ADRA1B: variants seen among roughly 807,000 people sequenced by gnomAD.
ADRA1B encodes the protein adrenoceptor alpha 1B.
ADRA1B carries 17 observed loss-of-function variants against 17.9 expected under a neutral mutation model. The observed-to-expected ratio is 0.95, with a 90% CI of 0.65 to 1.42. ADRA1B has a LOEUF of 1.42. Ranked by LOEUF, ADRA1B falls within the 40% of genes most tolerant of loss-of-function variation. ADRA1B has a pLI of 0.00. For missense variants in ADRA1B, 681 were observed against 722.1 expected, an observed-to-expected ratio of 0.94 and a Z score of 0.65; for synonymous variants, 366 against 327.6, an observed-to-expected ratio of 1.12 and a Z score of -1.27.
At chr5:159,886,013 C>A (rs906895643) in intron 1 of ADRA1B, among the ~76,000 whole-genome samples, 3 of 152,206 alleles carry the variant, frequency 2.0e-5, no homozygotes, top group African/African-American at 7.2e-5. Flanking sequence ...ACTCCAGGGT[C>A]TGCGCATTTA....
chr5:159,880,939 C>A (rs1166328197), intron 1 of ADRA1B, among the ~76,000 whole-genome samples: 1 of 152,188 alleles, frequency 6.6e-6, no homozygotes, highest in African/African-American at 2.4e-5. Context: ...GATACATGAG[C>A]TCTTTCAGGG....
At chr5:159,959,373 G>T (rs1214072565) in intron 1 of ADRA1B, among the ~76,000 whole-genome samples, 1 of 152,236 alleles carries the variant, frequency 6.6e-6, no homozygotes, top group East Asian at 1.9e-4. Context: ...CACATGAAAA[G>T]GACGTTATGT....
chr5:159,873,022 G>A (rs958467483), intron 1 of ADRA1B, among the ~76,000 whole-genome samples: 3 of 151,394 alleles, frequency 2.0e-5, no homozygotes, highest in East Asian at 2.0e-4. Flanking sequence ...GAGAATATGC[G>A]GTGTTTGGTT....
At chr5:159,980,379 C>T in the ADRA1B span, among the ~76,000 whole-genome samples, 1 of 152,058 alleles carries the variant, frequency 6.6e-6, no homozygotes, top group Non-Finnish European at 1.5e-5. Context: ...AGGGAGAGCC[C>T]GAACAAGACT....
intron 1 of ADRA1B, among the ~76,000 whole-genome samples, chr5:159,880,593 A>G (rs1464494780): frequency 6.6e-6 from 1 of 152,216 alleles, no homozygotes; most frequent in Non-Finnish European, 1.5e-5. Context: ...GCCCCGTGGT[A>G]GGAGAAACTC....
the ADRA1B span, among the ~76,000 whole-genome samples, chr5:159,985,028 C>T: frequency 1.3e-5 from 2 of 152,116 alleles, no homozygotes; most frequent in Non-Finnish European, 2.9e-5. Flanking sequence ...TGCTCTCCCA[C>T]CTCCTCTTCC....
intron 1 of ADRA1B, chr5:159,950,912 C>T (rs770825970): frequency 5.3e-6 from 3 of 568,020 alleles, no homozygotes; most frequent in Non-Finnish European, 6.7e-6. Context: ...GCAGCCGTCG[C>T]ACCACAGTTT....
chr5:159,903,113 C>T (rs923137873), intron 1 of ADRA1B, among the ~76,000 whole-genome samples: 14 of 152,250 alleles, frequency 9.2e-5, no homozygotes, highest in Non-Finnish European at 1.5e-4. Context: ...CTCAACAGCC[C>T]GGCAGGACCT....
chr5:159,917,853 TG>T lies in ADRA1B; in HGVS notation c.949+1del, dbSNP rs1486353072. 8.1e-6 allele frequency: 13 copies of T among 1,596,386 alleles called. No individual in the cohort carries two copies. On this transcript the variant is annotated frameshift_variant and splice_region_variant, in exon 1 of 2. Transcript: ENST00000306675. LOFTEE classifies it low-confidence loss of function (END_TRUNC). ...WLPFFIALPL[G>X]SLFSTLKPPD... ...TACCCTTCTTCATCGCTCTACCGCT[TG>T]GTAAGTTGGGGACTAGCAGCAGGGG...
rs534177387 is a variant in ADRA1B, at chr5:159,939,653, A to T, written c.949+21799A>T. ...TTTTTCTGCCTGTAAGACAGAGATG[A>T]CATTTTACTTACCTCGTTGGGGTGA... On this transcript the variant is annotated intron_variant, in intron 1 of 1. Transcript: ENST00000306675. Among the ~76,000 whole-genome samples, 819 of 152,264 alleles carry T rather than the reference A, an allele frequency of 5.4e-3. 3 individuals carry two copies. Among genetic ancestry groups the T allele is most frequent in the Non-Finnish European group, 8.7e-3 (594 of 68,020 alleles).
chr5:159,934,828 A>AT (rs1338574628), intron 1 of ADRA1B, among the ~76,000 whole-genome samples: 2 of 151,996 alleles, frequency 1.3e-5, no homozygotes, highest in Non-Finnish European at 2.9e-5. Context: ...AAAAAAAAAA[A>AT]AAAACAGGGA....
chr5:159,878,985 G>A (rs920277706), intron 1 of ADRA1B, among the ~76,000 whole-genome samples: 8 of 152,106 alleles, frequency 5.3e-5, no homozygotes, highest in African/African-American at 1.7e-4. Context: ...CAAAGAGCCA[G>A]CTGCCTCCTT....
chr5:159,979,679 C>A, the ADRA1B span, among the ~76,000 whole-genome samples: 1 of 152,046 alleles, frequency 6.6e-6, no homozygotes, highest in Non-Finnish European at 1.5e-5. Flanking sequence ...ACCAGACTGG[C>A]CAACATGGTG....
At position 159,948,896 on chromosome 5, in the gene ADRA1B, A is replaced by G. The variant is rs149935425; in HGVS notation, c.950-22983A>G. Among the ~76,000 whole-genome samples, 974 of 152,338 alleles carry G rather than the reference A, an allele frequency of 6.4e-3. 14 individuals carry two copies. Among genetic ancestry groups the G allele is most frequent in the African/African-American group, 0.022 (924 of 41,570 alleles). On this transcript the variant is annotated intron_variant, in intron 1 of 1. Transcript: ENST00000306675. Reference sequence around the variant, plus strand: ...CTGTACTAAGTGTTTTACATGTATTATCTCATTTAACCCTTCCAAGAACCC... The same window carrying G: ...CTGTACTAAGTGTTTTACATGTATTGTCTCATTTAACCCTTCCAAGAACCC...
intron 1 of ADRA1B, among the ~76,000 whole-genome samples, chr5:159,955,549 T>C (rs1755537151): frequency 6.6e-6 from 1 of 152,160 alleles, no homozygotes; most frequent in Admixed American, 6.5e-5. Flanking sequence ...ATTGTCCCTG[T>C]TCTCTTGTAG....
downstream of ADRA1B, among the ~76,000 whole-genome samples, chr5:159,974,820 T>C (rs1452455697): frequency 3.3e-5 from 5 of 152,178 alleles, no homozygotes; most frequent in East Asian, 1.9e-4. Flanking sequence ...TGCTCTGAAC[T>C]GGATTTTAGT....
chr5:159,887,477 T>A (rs1753937894), intron 1 of ADRA1B, among the ~76,000 whole-genome samples: 1 of 152,242 alleles, frequency 6.6e-6, no homozygotes. Flanking sequence ...CAGGATTTCA[T>A]CTCTATCTAC....
rs181144914 is a variant in ADRA1B, at chr5:159,947,963, G to A, written c.950-23916G>A. ...AGCTCCAGCTGTCCCTGGATTCTTTGGCTTTGCGTCATGAAGGGAATTGAT... is the reference window on the plus strand; with the variant it reads ...AGCTCCAGCTGTCCCTGGATTCTTTAGCTTTGCGTCATGAAGGGAATTGAT... On this transcript the variant is annotated intron_variant, in intron 1 of 1. Transcript: ENST00000306675. 334 of 985,388 alleles carry A rather than the reference G, an allele frequency of 3.4e-4. 1 individual carries two copies. The African/African-American group carries it at 5.4e-3, about 16-fold the overall frequency. 61.0% of individuals were successfully genotyped at this position (985,388 alleles called of 1,614,324 possible).
At chr5:159,931,205 C>A (rs1405885333) in intron 1 of ADRA1B, among the ~76,000 whole-genome samples, 4 of 113,762 alleles carry the variant, frequency 3.5e-5, no homozygotes, top group African/African-American at 1.4e-4. Flanking sequence ...ATCTGGGCAA[C>A]ATAGGGAGAC....
Sources: gnomAD v4.1 joint callset for allele counts (sites outside exome capture counted in the v4.1 genomes callset) on GRCh38, gnomAD v4.1.1 for gene constraint, MANE v1.5 for transcripts, NCBI Gene and HGNC (gene_info 2026-07-23, HGNC 2026-07-21) for gene names.